The following LARGE1 variants were observed in gnomAD, a reference collection of about 807,000 sequenced individuals.
LARGE1 encodes the protein xylosyl- and glucuronyltransferase LARGE1.
In LARGE1, 43 loss-of-function variants were observed where a neutral mutation model predicts 87.6. The observed-to-expected ratio is 0.49, with a 90% confidence interval of 0.38 to 0.63. The LOEUF (loss-of-function observed/expected upper bound fraction) is 0.63, where lower values mean the gene tolerates loss of function less well. LARGE1 is among the 30% of genes least tolerant of loss of function. The pLI, the probability that LARGE1 is intolerant of heterozygous loss-of-function variation, is 0.00. For synonymous variants in LARGE1, 434 were observed against 394.6 expected, an observed-to-expected ratio of 1.10 and a Z score of -1.18; for missense variants, 802 against 1,000.2, an observed-to-expected ratio of 0.80 and a Z score of 2.67.
At chr22:33,708,695 C>T (rs766696005) in intron 2 of LARGE1, among the ~76,000 whole-genome samples, 3 of 152,138 alleles carry the variant, frequency 2.0e-5, no homozygotes, top group Non-Finnish European at 4.4e-5. Flanking sequence ...CTGCCTCCCG[C>T]GTTCAAGCGA....
intron 2 of LARGE1, among the ~76,000 whole-genome samples, chr22:33,680,896 A>C (rs1300384483): frequency 1.3e-5 from 2 of 152,196 alleles, no homozygotes; most frequent in African/African-American, 4.8e-5. Flanking sequence ...TTTGTGTTAA[A>C]TGTGACAACC....
chr22:33,560,729 G>A (rs1357818822), intron 6 of LARGE1, among the ~76,000 whole-genome samples: 1 of 152,128 alleles, frequency 6.6e-6, no homozygotes, highest in Admixed American at 6.5e-5. Context: ...AGACTCCAAA[G>A]CCGTATGGAT....
At chr22:33,082,212 C>G in the LARGE1 span, among the ~76,000 whole-genome samples, 26 of 152,094 alleles carry the variant, frequency 1.7e-4, no homozygotes, top group South Asian at 6.2e-4. Flanking sequence ...TAATGTCGGC[C>G]TTTATTACTC....
intron 10 of LARGE1, among the ~76,000 whole-genome samples, chr22:33,329,696 G>T (rs145725024): frequency 1.3e-5 from 2 of 152,186 alleles, no homozygotes; most frequent in African/African-American, 4.8e-5. Context: ...ACTAAACTGA[G>T]TTTAGTGTTT....
chr22:33,266,306 C>T (rs1277547519), intron 11 of LARGE1, among the ~76,000 whole-genome samples: 1 of 147,536 alleles, frequency 6.8e-6, no homozygotes, highest in Non-Finnish European at 1.5e-5. Flanking sequence ...ACTGCAACCT[C>T]CACCTCCTCG....
intron 1 of LARGE1, among the ~76,000 whole-genome samples, chr22:33,866,569 T>G (rs1460667871): frequency 1.3e-5 from 2 of 152,192 alleles, no homozygotes; most frequent in Non-Finnish European, 1.5e-5. Flanking sequence ...CACCTCTCTG[T>G]GCCTCATTTC....
At chr22:33,163,876 T>C (rs1271192772) in exon 12 of LARGE1, 4 of 152,220 alleles carry the variant, frequency 2.6e-5, no homozygotes, top group Non-Finnish European at 4.4e-5. Flanking sequence ...ATTCCATGCT[T>C]AATTGTGTGG....
intron 11 of LARGE1, among the ~76,000 whole-genome samples, chr22:33,246,246 C>T (rs373645825): frequency 5.3e-5 from 8 of 152,312 alleles, no homozygotes; most frequent in Admixed American, 1.3e-4. Context: ...GTACAAATCA[C>T]ACTATTGCTG....
intron 9 of LARGE1, among the ~76,000 whole-genome samples, chr22:33,380,900 T>C (rs889514427): frequency 5.9e-5 from 9 of 152,248 alleles, no homozygotes; most frequent in African/African-American, 1.9e-4. Context: ...TGTTGAATAG[T>C]TGTGGTCAAT....
intron 11 of LARGE1, among the ~76,000 whole-genome samples, chr22:33,213,747 G>A (rs1321131215): frequency 6.6e-6 from 1 of 152,208 alleles, no homozygotes; most frequent in Non-Finnish European, 1.5e-5. Context: ...TAAACAGACT[G>A]CAGTATACTG....
intron 6 of LARGE1, among the ~76,000 whole-genome samples, chr22:33,518,152 G>A (rs1461675709): frequency 6.6e-6 from 1 of 152,248 alleles, no homozygotes; most frequent in African/African-American, 2.4e-5. Flanking sequence ...TGTGCATGAA[G>A]TCCTTTATGC....
At chr22:33,446,263 T>A (rs980042099) in intron 6 of LARGE1, among the ~76,000 whole-genome samples, 1 of 152,260 alleles carries the variant, frequency 6.6e-6, no homozygotes, top group African/African-American at 2.4e-5. Flanking sequence ...ATAGCTCACA[T>A]CTCTTCCATA....
At chr22:33,696,100 T>C (rs5999063) in intron 2 of LARGE1, among the ~76,000 whole-genome samples, 69 of 152,334 alleles carry the variant, frequency 4.5e-4, no homozygotes, top group African/African-American at 1.6e-3. Flanking sequence ...CATACCATGA[T>C]ATTAACGGAA....
At chr22:33,806,971 T>C (rs9609871) in intron 1 of LARGE1, among the ~76,000 whole-genome samples, 40,847 of 151,732 alleles carry the variant, frequency 0.27, 5,659 homozygotes, top group East Asian at 0.4. Flanking sequence ...GATCTCACCA[T>C]TGCACTCCAG....
chr22:33,388,170 C>T (rs1169476460), intron 7 of LARGE1, among the ~76,000 whole-genome samples: 1 of 152,196 alleles, frequency 6.6e-6, no homozygotes, highest in Non-Finnish European at 1.5e-5. Context: ...TCACATCATC[C>T]ATTTTATACC....
chr22:33,897,395 A>G (rs1400125106), intron 1 of LARGE1, among the ~76,000 whole-genome samples: 1 of 152,218 alleles, frequency 6.6e-6, no homozygotes, highest in African/African-American at 2.4e-5. Flanking sequence ...TTATTATTTC[A>G]GGCAGAATAA....
At chr22:33,911,163 T>C (rs556290605) in intron 1 of LARGE1, among the ~76,000 whole-genome samples, 1 of 152,296 alleles carries the variant, frequency 6.6e-6, no homozygotes, top group East Asian at 1.9e-4. Context: ...AAGCAGAGCA[T>C]GCTGCAGAGA....
intron 12 of LARGE1, among the ~76,000 whole-genome samples, chr22:33,287,823 T>A (rs1931823393): frequency 6.6e-6 from 1 of 152,244 alleles, no homozygotes; most frequent in African/African-American, 2.4e-5. Context: ...TTTGGGTTAC[T>A]CTATTACTCT....
chr22:33,626,576 G>C (rs920374430), intron 3 of LARGE1, among the ~76,000 whole-genome samples: 1 of 152,204 alleles, frequency 6.6e-6, no homozygotes, highest in Non-Finnish European at 1.5e-5. Flanking sequence ...GGACAAGAGA[G>C]ATGGTGATTG....
Sources: allele counts gnomAD v4.1 joint callset (sites outside exome capture counted in the v4.1 genomes callset), GRCh38; gene constraint gnomAD v4.1.1; transcripts MANE v1.5; gene names NCBI Gene and HGNC (gene_info 2026-07-23, HGNC 2026-07-21).